The following ARB2A variants were observed in gnomAD, a reference collection of about 807,000 sequenced individuals.
The protein encoded by ARB2A is cotranscriptional regulator ARB2A.
the ARB2A span, among the ~76,000 whole-genome samples, chr5:94,026,498 G>A: frequency 1.3e-5 from 2 of 152,154 alleles, no homozygotes; most frequent in Non-Finnish European, 2.9e-5. Flanking sequence ...GCTGAGTCCA[G>A]GGCTTTTCGG....
the ARB2A span, among the ~76,000 whole-genome samples, chr5:93,623,318 A>G: frequency 6.6e-6 from 1 of 151,778 alleles, no homozygotes; most frequent in African/African-American, 2.4e-5. Flanking sequence ...TTACAGCCAC[A>G]TTTGGCATTT....
At chr5:94,001,135 T>C in the ARB2A span, among the ~76,000 whole-genome samples, 2 of 152,074 alleles carry the variant, frequency 1.3e-5, no homozygotes, top group Non-Finnish European at 2.9e-5. Flanking sequence ...TCTGGGTCTT[T>C]TGCCTCCTCA....
At chr5:93,897,404 T>G in the ARB2A span, among the ~76,000 whole-genome samples, 1 of 151,972 alleles carries the variant, frequency 6.6e-6, no homozygotes, top group East Asian at 1.9e-4. Context: ...CATAAAAATT[T>G]TTGGAAAGTT....
chr5:93,942,541 C>A, the ARB2A span, among the ~76,000 whole-genome samples: 297 of 151,442 alleles, frequency 2.0e-3, 2 homozygotes, highest in African/African-American at 6.8e-3. Flanking sequence ...GAAAAAAAAA[C>A]CCAATAATCA....
the ARB2A span, among the ~76,000 whole-genome samples, chr5:93,905,602 G>T: frequency 6.6e-6 from 1 of 151,490 alleles, no homozygotes; most frequent in Non-Finnish European, 1.5e-5. Context: ...ACAAATATGA[G>T]ATACCAATAA....
chr5:93,918,232 G>A, the ARB2A span, among the ~76,000 whole-genome samples: 1 of 152,158 alleles, frequency 6.6e-6, no homozygotes, highest in South Asian at 2.1e-4. Context: ...GATAGTACAA[G>A]TGTCCTGCTC....
chr5:94,068,057 C>T, the ARB2A span, among the ~76,000 whole-genome samples: 3 of 152,126 alleles, frequency 2.0e-5, no homozygotes, highest in East Asian at 1.9e-4. Context: ...ACTTTGTTAC[C>T]GGCAGGTCTT....
At chr5:93,866,698 T>C in the ARB2A span, among the ~76,000 whole-genome samples, 1 of 152,166 alleles carries the variant, frequency 6.6e-6, no homozygotes, top group Non-Finnish European at 1.5e-5. Context: ...AAGACTTCCA[T>C]ATGCATGGAC....
chr5:93,791,586 C>A, the ARB2A span, among the ~76,000 whole-genome samples: 3 of 152,202 alleles, frequency 2.0e-5, no homozygotes, highest in Non-Finnish European at 4.4e-5. Flanking sequence ...ACATGGCCAG[C>A]TGGATCTCCA....
chr5:93,674,622 G>T, the ARB2A span, among the ~76,000 whole-genome samples: 22 of 152,300 alleles, frequency 1.4e-4, no homozygotes, highest in African/African-American at 5.1e-4. Flanking sequence ...TTTCAGAACT[G>T]CTTTCAGACT....
At chr5:94,068,244 T>G in the ARB2A span, among the ~76,000 whole-genome samples, 1 of 152,166 alleles carries the variant, frequency 6.6e-6, no homozygotes. Context: ...TTCAGCTCAA[T>G]TAGGACAAAC....
the ARB2A span, among the ~76,000 whole-genome samples, chr5:93,758,401 T>C: frequency 6.6e-6 from 1 of 152,132 alleles, no homozygotes; most frequent in East Asian, 1.9e-4. Flanking sequence ...AATGGACTTA[T>C]CAGATATATA....
chr5:93,745,681 T>A, the ARB2A span, among the ~76,000 whole-genome samples: 2 of 151,788 alleles, frequency 1.3e-5, no homozygotes, highest in East Asian at 1.9e-4. Flanking sequence ...AAAAAAAAAT[T>A]TTTTTTCTTT....
At chr5:94,009,835 A>G in the ARB2A span, among the ~76,000 whole-genome samples, 1 of 151,770 alleles carries the variant, frequency 6.6e-6, no homozygotes, top group Non-Finnish European at 1.5e-5. Flanking sequence ...TTATTCATAA[A>G]ATTCTCTACT....
the ARB2A span, among the ~76,000 whole-genome samples, chr5:93,964,006 G>C: frequency 6.6e-6 from 1 of 152,024 alleles, no homozygotes; most frequent in African/African-American, 2.4e-5. Flanking sequence ...GGAAGCACCA[G>C]GAATGAATTT....
At chr5:94,083,267 T>A in the ARB2A span, among the ~76,000 whole-genome samples, 1 of 152,148 alleles carries the variant, frequency 6.6e-6, no homozygotes, top group African/African-American at 2.4e-5. Context: ...CTTCCTATGA[T>A]CATAAGAGTC....
the ARB2A span, among the ~76,000 whole-genome samples, chr5:94,089,592 TATACACAC>T: frequency 6.3e-5 from 5 of 79,812 alleles, no homozygotes; most frequent in Admixed American, 7.7e-4. Flanking sequence ...TAAAACCGTT[TATACACAC>T]ACACACACAC....
At chr5:93,639,585 T>C in the ARB2A span, among the ~76,000 whole-genome samples, 1 of 152,136 alleles carries the variant, frequency 6.6e-6, no homozygotes, top group African/African-American at 2.4e-5. Flanking sequence ...GTAAATAATA[T>C]ATTCATGAAT....
the ARB2A span, among the ~76,000 whole-genome samples, chr5:93,708,572 C>T: frequency 2.0e-5 from 3 of 152,108 alleles, no homozygotes; most frequent in African/African-American, 7.2e-5. Flanking sequence ...AGCAGGATTC[C>T]GCTCCTATGA....
Sources: allele counts gnomAD v4.1 joint callset (sites outside exome capture counted in the v4.1 genomes callset), GRCh38; gene constraint gnomAD v4.1.1; transcripts MANE v1.5; gene names NCBI Gene and HGNC (gene_info 2026-07-23, HGNC 2026-07-21).